The following SP1 variants were observed in gnomAD, a reference collection of about 807,000 sequenced individuals.
SP1 encodes transcription factor Sp1.
A neutral mutation model predicts 66.3 loss-of-function variants in SP1; 6 were observed. The observed-to-expected ratio is 0.09, with a 90% confidence interval of 0.05 to 0.18. The LOEUF (loss-of-function observed/expected upper bound fraction) is 0.18. Among genes scored for constraint, SP1 ranks in the 10% least tolerant of loss-of-function variants. The probability of loss-of-function intolerance (pLI) is 1.00; values close to 1 mark genes in which losing one functional copy is unlikely to be tolerated. For missense variants in SP1, 848 were observed against 964.5 expected (o/e 0.88, Z 1.60); for synonymous variants, 417 against 360.8 (o/e 1.16, Z -1.77).
chr12:53,413,452 T>C lies in SP1; in HGVS notation c.*2212T>C, dbSNP rs1270442997. The stretch of plus-strand genomic sequence containing the variant: ...TTAAGTTTTGGGTAAGTGTGTTGTT[T>C]AATCTGAACTATAGTAACTTAATAC... On this transcript the variant is annotated 3_prime_UTR_variant, in exon 6 of 6. Transcript: ENST00000327443. The C allele has an allele frequency of 2.6e-5, 4 of 152,638 alleles. No homozygotes were observed. The highest frequency in any genetic ancestry group is 2.6e-4 in the Admixed American group (4 of 15,276). 9.5% of individuals were successfully genotyped at this position (152,638 alleles called of 1,614,324 possible).
intron 4 of SP1, 125 bp from the exon 5 acceptor site, chr12:53,409,235 AAG>A (rs1163735492): frequency 2.6e-6 from 2 of 768,226 alleles, no homozygotes; most frequent in Non-Finnish European, 4.2e-6. Flanking sequence ...AAAAACAAAA[AAG>A]AAGACTTTTT....
chr12:53,397,854 G>T, intron 3 of SP1, among the ~76,000 whole-genome samples: 1 of 151,982 alleles, frequency 6.6e-6, no homozygotes, highest in Admixed American at 6.6e-5. Flanking sequence ...GCGCCCGACC[G>T]TAGATAATCT....
chr12:53,382,600 G>A lies in SP1; in HGVS notation c.653G>A (p.Arg218Gln), dbSNP rs764833434. The A allele has an allele frequency of 5.0e-6, 8 of 1,613,994 alleles. No individual in the cohort carries two copies. In the African/African-American group the frequency reaches 6.7e-5, roughly 13 times the overall value. ...PGANQQIITN[R>Q]GSGGNIIAAM... The stretch of plus-strand genomic sequence containing the variant: ...GCAAACCAACAGATTATCACAAATC[G>A]AGGAAGTGGAGGCAACATCATTGCT... Residue 218 changes from arginine to glutamine, a missense_variant, in exon 3 of 6, where the codon CGA becomes CAA. By Grantham distance (43) the Arg-to-Gln change is conservative (BLOSUM62 1). Coordinates refer to ENST00000327443, the MANE Select transcript of SP1 (RefSeq NM_138473.3).
At chr12:53,391,346 CTTTTT>C (rs71068117) in intron 3 of SP1, among the ~76,000 whole-genome samples, 1 of 97,460 alleles carries the variant, frequency 1.0e-5, no homozygotes, top group African/African-American at 3.9e-5. Flanking sequence ...TAAGTAATGT[CTTTTT>C]TTTTTTTTTT....
At chr12:53,403,520 T>C (rs1592569085) in intron 3 of SP1, among the ~76,000 whole-genome samples, 1 of 38,362 alleles carries the variant, frequency 2.6e-5, no homozygotes, top group South Asian at 8.2e-4. Context: ...GCCCAGCTAA[T>C]TTTTTTTTTT....
In SP1 at chr12:53,415,115, GAT is replaced by G. The variant is rs1457734264; in HGVS notation, c.*3878_*3879del. On this transcript the variant is annotated 3_prime_UTR_variant, in exon 6 of 6. Coordinates refer to ENST00000327443, the MANE Select transcript of SP1 (RefSeq NM_138473.3). ...CAGTAGCTTTGGGGAAAGGGAGGAA[GAT>G]ATGGCACTTCTCCAACCCCGGAAAA... is the stretch of plus-strand genomic sequence containing the variant. 3 of 152,572 alleles carry G rather than the reference GAT, an allele frequency of 2.0e-5. No homozygotes were observed. The allele number at this position is 152,572 out of a possible 1,614,324, so 9.5% of individuals were successfully genotyped here.
Position 53,411,213 on chromosome 12 carries a change from C to A in SP1, c.2331C>A (p.Ser777=), listed in dbSNP as rs1938875087. Residue 777 remains serine (S), a synonymous_variant, in exon 6 of 6, where the codon TCC becomes TCA. Coordinates refer to ENST00000327443, the MANE Select transcript of SP1 (RefSeq NM_138473.3). The stretch of plus-strand genomic sequence containing the variant: ...TCATGCAGGTGGCAGATCTGCAGTC[C>A]ATTAATATCAGTGGCAATGGCTTCT... ...INVMQVADLQ[S]INISGNGF is the part of the protein sequence containing the mutation. 6.2e-7 allele frequency: 1 copy of A among 1,612,174 alleles called. No homozygotes were observed. Among genetic ancestry groups the A allele is most frequent in the African/African-American group, 1.3e-5 (1 of 74,880 alleles).
intron 4 of SP1, among the ~76,000 whole-genome samples, chr12:53,407,059 C>T (rs988392937): frequency 5.9e-5 from 9 of 151,590 alleles, no homozygotes; most frequent in Non-Finnish European, 1.0e-4. Context: ...CTCCTGACCT[C>T]GTGATCTGCC....
chr12:53,399,301 A>C (rs1478385314), intron 3 of SP1, among the ~76,000 whole-genome samples: 1 of 151,876 alleles, frequency 6.6e-6, no homozygotes, highest in Non-Finnish European at 1.5e-5. Flanking sequence ...GGTGTGCTCC[A>C]CCATGCCCAG....
Position 53,382,911 on chromosome 12 carries a change from A to G in SP1, c.964A>G (p.Thr322Ala), listed in dbSNP as rs772799652. 3 of 1,613,880 alleles carry G rather than the reference A, an allele frequency of 1.9e-6. No individual in the cohort carries two copies. Among genetic ancestry groups the G allele is most frequent in the South Asian group, 1.1e-5 (1 of 91,062 alleles). Reference sequence around the variant, plus strand: ...ACAAGCCAGTTCCAGCTCCTTTTTCACCAATGCCAATAGCTACTCAACTAC... The same window carrying G: ...ACAAGCCAGTTCCAGCTCCTTTTTCGCCAATGCCAATAGCTACTCAACTAC... ...SSQASSSSFF[T>A]NANSYSTTTT... The change falls in exon 3 of 6, where the codon ACC becomes GCC. Residue 322 changes from threonine (T) to alanine (A), a missense_variant. This residue lies in a region of SP1 where 606 missense variants were observed against 589.9 expected (regional missense o/e 1.03). Transcript: ENST00000327443.
chr12:53,402,381 G>A (rs995409466), intron 3 of SP1, among the ~76,000 whole-genome samples: 4 of 151,898 alleles, frequency 2.6e-5, no homozygotes, highest in African/African-American at 9.7e-5. Context: ...GCGCCACCAT[G>A]CCCGGCTAAT....
chr12:53,388,602 A>G (rs1012772306), intron 3 of SP1, among the ~76,000 whole-genome samples: 2 of 152,174 alleles, frequency 1.3e-5, no homozygotes, highest in African/African-American at 2.4e-5. Context: ...TTTAATTGAT[A>G]TGACTTCATC....
chr12:53,409,222 C>CA lies in SP1; in HGVS notation c.1845-133dup, dbSNP rs577949975. ...CCTGGACGACAGAGTGAGACTCTCTCAAAAAAACAAAAAAGAAGACTTTTT... is the reference window on the plus strand; with the variant it reads ...CCTGGACGACAGAGTGAGACTCTCTCAAAAAAAACAAAAAAGAAGACTTTTT... On this transcript the variant is annotated intron_variant, in intron 4 of 5. Coordinates refer to ENST00000327443, the MANE Select transcript of SP1 (RefSeq NM_138473.3). 3.3e-4 allele frequency: 233 copies of CA among 696,634 alleles called. 1 individual carries two copies. The highest frequency in any genetic ancestry group is 2.8e-3 in the East Asian group (101 of 36,204). The allele number at this position is 696,634 out of a possible 1,614,324, so 43.2% of individuals were successfully genotyped here. A position where few individuals can be genotyped will look rare whatever the true frequency, so the allele number is the denominator to read the frequency against.
Position 53,383,441 on chromosome 12 carries a change from C to T in SP1, c.1494C>T (p.Ser498=). ...QGVSLGQTSS[S]NTTLTPIASA... is the part of the protein sequence containing the mutation. Reference sequence around the variant, plus strand: ...TTTCCTTGGGGCAGACCAGCAGCAGCAACACCACTCTCACACCCATTGCCT... The same window carrying T: ...TTTCCTTGGGGCAGACCAGCAGCAGTAACACCACTCTCACACCCATTGCCT... Residue 498 remains serine (S), a synonymous_variant, in exon 3 of 6, where the codon AGC becomes AGT. Coordinates refer to ENST00000327443, the MANE Select transcript of SP1 (RefSeq NM_138473.3). 1 of 1,614,212 alleles carries T rather than the reference C, an allele frequency of 6.2e-7. No homozygotes were observed. The highest frequency in any genetic ancestry group is 8.5e-7 in the Non-Finnish European group (1 of 1,180,040).
intron 3 of SP1, among the ~76,000 whole-genome samples, chr12:53,384,854 A>T (rs1170472721): frequency 1.3e-5 from 2 of 152,000 alleles, no homozygotes; most frequent in Non-Finnish European, 2.9e-5. Flanking sequence ...GTGTGGTGGT[A>T]CATGCCTATG....
At chr12:53,403,801 G>T (rs182799628) in intron 3 of SP1, among the ~76,000 whole-genome samples, 11 of 152,188 alleles carry the variant, frequency 7.2e-5, no homozygotes, top group African/African-American at 2.6e-4. Flanking sequence ...AACATTTTGG[G>T]GGGCTGAGGC....
intron 3 of SP1, among the ~76,000 whole-genome samples, chr12:53,405,856 C>T (rs1185260072): frequency 6.6e-6 from 1 of 151,922 alleles, no homozygotes; most frequent in African/African-American, 2.4e-5. Flanking sequence ...ATTTTAAAAA[C>T]TATGATCGGG....
At chr12:53,410,738 C>A (rs1938865824) in intron 5 of SP1, among the ~76,000 whole-genome samples, 189 bp from the exon 6 acceptor site, 1 of 152,024 alleles carries the variant, frequency 6.6e-6, no homozygotes, top group Non-Finnish European at 1.5e-5. Context: ...CGTGATCTGC[C>A]CGCCTTGGCC....
chr12:53,380,692 C>T (rs1938068719), intron 1 of SP1: 2 of 985,890 alleles, frequency 2.0e-6, no homozygotes, highest in South Asian at 9.4e-5. Flanking sequence ...CTGGTCGCCG[C>T]CTGCTCCAAG....
Sources: gnomAD v4.1 joint callset for allele counts (sites outside exome capture counted in the v4.1 genomes callset) on GRCh38, gnomAD v4.1.1 for gene constraint, gnomAD v4.1.1 regional missense constraint, MANE v1.5 for transcripts, NCBI Gene and HGNC (gene_info 2026-07-23, HGNC 2026-07-21) for gene names.